The following FARS2 variants were observed in gnomAD, a reference collection of about 807,000 sequenced individuals.
The protein encoded by FARS2 is phenylalanyl-tRNA synthetase 2, mitochondrial, also known as phenylalanine--tRNA ligase, mitochondrial.
A neutral mutation model predicts 46.4 loss-of-function variants in FARS2; 40 were observed. That is an observed-to-expected ratio of 0.86 (90% confidence interval 0.67 to 1.12). The LOEUF is 1.12. Ranked by LOEUF, FARS2 falls within the 50% of genes most tolerant of loss-of-function variation. The pLI is 0.00. For missense variants in FARS2, 513 were observed against 567.9 expected, an observed-to-expected ratio of 0.90 and a Z score of 0.98; for synonymous variants, 234 against 214.9, an observed-to-expected ratio of 1.09 and a Z score of -0.78.
chr6:5,365,317 C>CTTTTTTTTTTTTTTTTT lies in FARS2; in HGVS notation c.-21-3220_-21-3204dup, dbSNP rs61097603. On this transcript the variant is annotated intron_variant, in intron 1 of 6. Coordinates refer to ENST00000274680, the MANE Select transcript of FARS2 (RefSeq NM_006567.5). ...GACCTTTGATTGAGAAGTATACTTT[C>CTTTTTTTTTTTTTTTTT]TTTTTTTTTTTTTTTTTTTTTTTTT... is the stretch of plus-strand genomic sequence containing the variant. 3.1e-4 allele frequency among the ~76,000 whole-genome samples: 13 copies of CTTTTTTTTTTTTTTTTT among 42,496 alleles called. 5 individuals are homozygous for CTTTTTTTTTTTTTTTTT. Among genetic ancestry groups the CTTTTTTTTTTTTTTTTT allele is most frequent in the South Asian group, 1.9e-3 (2 of 1,066 alleles). 27.9% of individuals were successfully genotyped at this position (42,496 alleles called of 152,430 possible).
chr6:5,370,618 A>T (rs1287337352), intron 2 of FARS2, among the ~76,000 whole-genome samples: 1 of 152,134 alleles, frequency 6.6e-6, no homozygotes, highest in Admixed American at 6.5e-5. Flanking sequence ...AAGAAATAAG[A>T]AAGGACTGTG....
chr6:5,606,593 C>T (rs1774851846), intron 5 of FARS2, among the ~76,000 whole-genome samples: 1 of 152,116 alleles, frequency 6.6e-6, no homozygotes. Context: ...ACCTCACTTG[C>T]AGGTTAACAA....
intron 5 of FARS2, among the ~76,000 whole-genome samples, chr6:5,578,344 C>T (rs942041102): frequency 5.9e-5 from 9 of 152,014 alleles, no homozygotes; most frequent in South Asian, 2.1e-4. Context: ...CTCTGGGCTG[C>T]GCTGAGGTTA....
At chr6:5,358,439 T>C (rs1215250952) in intron 1 of FARS2, among the ~76,000 whole-genome samples, 1 of 152,122 alleles carries the variant, frequency 6.6e-6, no homozygotes, top group Non-Finnish European at 1.5e-5. Flanking sequence ...AAAACAAAAA[T>C]AAATGATTTT....
At chr6:5,467,518 C>G (rs1392080528) in intron 4 of FARS2, among the ~76,000 whole-genome samples, 4 of 152,170 alleles carry the variant, frequency 2.6e-5, no homozygotes, top group Non-Finnish European at 4.4e-5. Flanking sequence ...GATCTCCTTT[C>G]TTAGTCAACG....
At chr6:5,503,397 CACACACACAGAGAG>C (rs1463683428) in intron 4 of FARS2, among the ~76,000 whole-genome samples, 8 of 71,600 alleles carry the variant, frequency 1.1e-4, no homozygotes, top group African/African-American at 3.7e-4. Context: ...CACACACACA[CACACACACAGAGAG>C]AGAGAGAGAG....
chr6:5,763,181 T>C (rs542668005), intron 6 of FARS2, among the ~76,000 whole-genome samples: 1 of 152,254 alleles, frequency 6.6e-6, no homozygotes, highest in East Asian at 1.9e-4. Context: ...CATGGGCCCA[T>C]CCTAGCCTTG....
intron 1 of FARS2, among the ~76,000 whole-genome samples, chr6:5,329,698 C>T (rs552457680): frequency 1.3e-5 from 2 of 152,284 alleles, no homozygotes; most frequent in African/African-American, 4.8e-5. Context: ...TCCCAGAACT[C>T]AGGAAAGCAT....
chr6:5,445,411 A>G (rs571886853), intron 4 of FARS2, among the ~76,000 whole-genome samples: 153 of 152,202 alleles, frequency 1.0e-3, no homozygotes, highest in Non-Finnish European at 1.9e-3. Flanking sequence ...TATTTTTCTT[A>G]TATCATTTTT....
At chr6:5,377,487 G>A (rs1337925534) in intron 2 of FARS2, among the ~76,000 whole-genome samples, 1 of 152,118 alleles carries the variant, frequency 6.6e-6, no homozygotes, top group East Asian at 1.9e-4. Flanking sequence ...AATTTAAGAC[G>A]ATTCATAATG....
intron 2 of FARS2, among the ~76,000 whole-genome samples, chr6:5,397,406 A>G (rs1437600963): frequency 1.3e-5 from 2 of 152,192 alleles, no homozygotes; most frequent in African/African-American, 4.8e-5. Flanking sequence ...CATAGAATGT[A>G]CAACTCCAAG....
chr6:5,381,654 G>T (rs1317315156), intron 2 of FARS2, among the ~76,000 whole-genome samples: 1 of 152,116 alleles, frequency 6.6e-6, no homozygotes, highest in Non-Finnish European at 1.5e-5. Context: ...CTTCTTTTGG[G>T]TCACATTGCC....
rs142097359 is a variant in FARS2 at position 5,421,594 on chromosome 6, A to T, written c.773-9447A>T. Among the ~76,000 whole-genome samples the T allele has an allele frequency of 5.5e-3, 844 of 152,190 alleles. 5 individuals are homozygous for T. The highest frequency in any genetic ancestry group is 0.019 in the African/African-American group (797 of 41,508). ...AAATGCCTTTAACAGCACCCAAGTC[A>T]CCTCTTGAATGCTTTGCTGCTTAGA... On this transcript the variant is annotated intron_variant, in intron 3 of 6. Transcript: ENST00000274680.
intron 6 of FARS2, among the ~76,000 whole-genome samples, chr6:5,745,871 CA>C (rs1478933497): frequency 3.3e-5 from 5 of 152,118 alleles, no homozygotes; most frequent in African/African-American, 7.2e-5. Flanking sequence ...ACCTTTATAT[CA>C]GGGGGAGCCC....
At position 5,431,184 on chromosome 6, in the gene FARS2, T is replaced by A. The variant is rs754646580; in HGVS notation, c.904+12T>A. ...ACTGGTCAATTCAGGTAAAAAAGAA[T>A]CCCACATTTTATTTACACGTGCTCT... On this transcript the variant is annotated intron_variant, in intron 4 of 6. Coordinates refer to ENST00000274680, the MANE Select transcript of FARS2 (RefSeq NM_006567.5). 2 of 1,613,150 alleles carry A rather than the reference T, an allele frequency of 1.2e-6. No homozygotes were observed. Among genetic ancestry groups the A allele is most frequent in the South Asian group, 2.2e-5 (2 of 90,998 alleles).
chr6:5,311,642 A>T lies in FARS2; in HGVS notation c.-22+49982A>T, dbSNP rs1209580529. Among the ~76,000 whole-genome samples the T allele has an allele frequency of 6.6e-6, 1 of 152,138 alleles. No individual in the cohort carries two copies. Among genetic ancestry groups the T allele is most frequent in the African/African-American group, 2.4e-5 (1 of 41,422 alleles). On this transcript the variant is annotated intron_variant, in intron 1 of 6. Coordinates refer to ENST00000274680, the MANE Select transcript of FARS2 (RefSeq NM_006567.5). The surrounding 1 kb of genome is among the most constrained non-coding windows in gnomAD (Gnocchi z 4.1). ...AAATTATTTATCCTGTTTTCTTTAG[A>T]TATATGAAGCCGTCTTAAGATTGAG... is the stretch of plus-strand genomic sequence containing the variant.
chr6:5,270,259 A>C (rs1281447079), intron 1 of FARS2, among the ~76,000 whole-genome samples: 1 of 152,164 alleles, frequency 6.6e-6, no homozygotes, highest in African/African-American at 2.4e-5. Context: ...CAAGTCTTGG[A>C]GCACTTTGAG....
intron 6 of FARS2, among the ~76,000 whole-genome samples, chr6:5,640,995 T>C (rs796209552): frequency 2.6e-4 from 39 of 152,326 alleles, no homozygotes; most frequent in African/African-American, 9.1e-4. Context: ...TTGACATGGC[T>C]ATGCTAATGG....
chr6:5,263,256 G>C (rs1221201097), intron 1 of FARS2, among the ~76,000 whole-genome samples: 1 of 152,122 alleles, frequency 6.6e-6, no homozygotes, highest in Non-Finnish European at 1.5e-5. Flanking sequence ...CAACTTTGTT[G>C]TAATCAAATA....
Sources: gnomAD v4.1 joint callset for allele counts (sites outside exome capture counted in the v4.1 genomes callset) on GRCh38, gnomAD v4.1.1 for gene constraint, Gnocchi (gnomAD v3.1) non-coding constraint, MANE v1.5 for transcripts, NCBI Gene and HGNC (gene_info 2026-07-23, HGNC 2026-07-21) for gene names.